Variants in PIK3C2G observed in about 807,000 individuals in gnomAD.
The protein encoded by PIK3C2G is phosphatidylinositol 3-kinase C2 domain-containing subunit gamma.
In PIK3C2G, 168 loss-of-function variants were observed where a neutral mutation model predicts 181.1. That is an observed-to-expected ratio of 0.93 (90% confidence interval 0.82 to 1.05). PIK3C2G has a LOEUF of 1.05. PIK3C2G is among the 50% of genes least tolerant of loss of function. PIK3C2G has a pLI of 0.00. For synonymous variants in PIK3C2G, 573 were observed against 592.2 expected (o/e 0.97, Z 0.47); for missense variants, 1,869 against 1,732.8 (o/e 1.08, Z -1.40).
chr12:18,251,496 G>A (rs538578220), intron 1 of PIK3C2G, among the ~76,000 whole-genome samples: 2 of 152,028 alleles, frequency 1.3e-5, no homozygotes, highest in South Asian at 2.1e-4. Context: ...AATTCATCAT[G>A]TGCAATGTAT....
intron 11 of PIK3C2G, among the ~76,000 whole-genome samples, chr12:18,361,805 T>C (rs1941258971): frequency 6.6e-6 from 1 of 152,172 alleles, no homozygotes; most frequent in Non-Finnish European, 1.5e-5. Flanking sequence ...GTGCTTCTAG[T>C]TGGATAAGAC....
At chr12:18,468,529 T>C (rs1316173253) in intron 18 of PIK3C2G, among the ~76,000 whole-genome samples, 1 of 152,114 alleles carries the variant, frequency 6.6e-6, no homozygotes, top group East Asian at 1.9e-4. Flanking sequence ...CCTTATATTC[T>C]ATTATTCAGT....
chr12:18,320,903 T>C, intron 6 of PIK3C2G, 59 bp from the exon 7 acceptor site: 1 of 912,752 alleles, frequency 1.1e-6, no homozygotes, highest in East Asian at 2.6e-5. Flanking sequence ...CGGACCTATT[T>C]TTATCTGGTA....
upstream of PIK3C2G, among the ~76,000 whole-genome samples, chr12:18,243,461 C>T (rs1948006420): frequency 6.6e-6 from 1 of 151,944 alleles, no homozygotes; most frequent in South Asian, 2.1e-4. Context: ...TATGTGACTT[C>T]TACCTGGCCC....
At chr12:18,373,327 A>G (rs184480341) in intron 13 of PIK3C2G, among the ~76,000 whole-genome samples, 70 of 152,298 alleles carry the variant, frequency 4.6e-4, no homozygotes, top group African/African-American at 1.6e-3. Flanking sequence ...ATAGCTAGCC[A>G]CGTGGAACTA....
chr12:18,588,550 T>G (rs1946909278), intron 29 of PIK3C2G, among the ~76,000 whole-genome samples: 1 of 152,010 alleles, frequency 6.6e-6, no homozygotes. Context: ...GGTACCATCT[T>G]ACACCAGTCA....
At position 18,251,143 on chromosome 12, in the gene PIK3C2G, T is replaced by C. The variant is rs118117416; in HGVS notation, c.-79+3061T>C. Among the ~76,000 whole-genome samples, 38 of 152,114 alleles carry C rather than the reference T, an allele frequency of 2.5e-4. 1 individual carries two copies. In the East Asian group the frequency reaches 7.2e-3, roughly 29 times the overall value. On this transcript the variant is annotated intron_variant, in intron 1 of 11. Transcript: ENST00000535651. Reference sequence around the variant, plus strand: ...TATATGTAATAAATTTCGACTACAGTAAATTGATCTGTTTTCTATGCAAAG... The same window carrying C: ...TATATGTAATAAATTTCGACTACAGCAAATTGATCTGTTTTCTATGCAAAG...
chr12:18,568,718 GT>G (rs1009301409), intron 29 of PIK3C2G, among the ~76,000 whole-genome samples: 1 of 152,100 alleles, frequency 6.6e-6, no homozygotes, highest in African/African-American at 2.4e-5. Flanking sequence ...CCACAATAAT[GT>G]TTGACCAAAT....
At chr12:18,559,009 GTGTTTGCATGTCTGTA>G (rs1188517501) in intron 26 of PIK3C2G, among the ~76,000 whole-genome samples, 1 of 152,080 alleles carries the variant, frequency 6.6e-6, no homozygotes, top group Non-Finnish European at 1.5e-5. Context: ...GTGTGTCTAT[GTGTTTGCATGTCTGTA>G]TGTTTGCATG....
intron 31 of PIK3C2G, among the ~76,000 whole-genome samples, chr12:18,629,269 G>A (rs1317302428): frequency 1.3e-5 from 2 of 152,140 alleles, no homozygotes; most frequent in Admixed American, 6.6e-5. Context: ...TATGAGAGAG[G>A]GCACAGGAAT....
chr12:18,524,907 G>T (rs1943139175), intron 24 of PIK3C2G, among the ~76,000 whole-genome samples: 1 of 151,400 alleles, frequency 6.6e-6, no homozygotes, highest in African/African-American at 2.4e-5. Context: ...ATTTTTTTTT[G>T]AAGATTAAAT....
intron 18 of PIK3C2G, among the ~76,000 whole-genome samples, chr12:18,435,494 C>G (rs1184396897): frequency 2.0e-5 from 3 of 151,984 alleles, no homozygotes; most frequent in Non-Finnish European, 4.4e-5. Flanking sequence ...AGCTGGTTAG[C>G]ATAATTTCTT....
intron 13 of PIK3C2G, among the ~76,000 whole-genome samples, chr12:18,372,873 G>A (rs1478416569): frequency 6.6e-6 from 1 of 152,148 alleles, no homozygotes; most frequent in Non-Finnish European, 1.5e-5. Flanking sequence ...AGTGGTCACA[G>A]AAGATGAGCA....
the PIK3C2G span, among the ~76,000 whole-genome samples, chr12:18,703,726 T>A: frequency 1.3e-5 from 2 of 152,194 alleles, no homozygotes; most frequent in Admixed American, 1.3e-4. Flanking sequence ...TATAAAACAA[T>A]TTTCACTTTT....
At chr12:18,694,773 A>T in the PIK3C2G span, 1 of 667,762 alleles carries the variant, frequency 1.5e-6, no homozygotes, top group Middle Eastern at 4.2e-4. Context: ...CTGGAATACT[A>T]CCCACATATA....
chr12:18,424,415 G>A (rs1212855313), intron 18 of PIK3C2G, among the ~76,000 whole-genome samples: 1 of 152,132 alleles, frequency 6.6e-6, no homozygotes, highest in Admixed American at 6.5e-5. Flanking sequence ...AATACTTTCT[G>A]TGCAATATTA....
At position 18,381,864 on chromosome 12, in the gene PIK3C2G, C is replaced by A. The variant is rs767852668; in HGVS notation, c.1979C>A (p.Ser660Tyr). ...TPGVWDVSQP[S>Y]PVTLQIDFPA... Reference sequence around the variant, plus strand: ...GGAGTGTGGGATGTAAGTCAGCCATCCCCGGTGACCCTGCAGGTAAGTGCC... The same window carrying A: ...GGAGTGTGGGATGTAAGTCAGCCATACCCGGTGACCCTGCAGGTAAGTGCC... The change falls in exon 14 of 33, where the codon TCC (serine) becomes TAC (tyrosine). Residue 660 changes from serine to tyrosine, a missense_variant. Transcript: ENST00000538779. 3 of 1,606,392 alleles carry A rather than the reference C, an allele frequency of 1.9e-6. No individual in the cohort carries two copies. The highest frequency in any genetic ancestry group is 1.3e-5 in the African/African-American group (1 of 74,780).
At chr12:18,599,660 GAATA>G (rs200912761) in intron 30 of PIK3C2G, among the ~76,000 whole-genome samples, 130 of 146,336 alleles carry the variant, frequency 8.9e-4, no homozygotes, top group African/African-American at 2.3e-3. Context: ...ATAAATGAAT[GAATA>G]AATAAATAAA....
the PIK3C2G span, among the ~76,000 whole-genome samples, chr12:18,717,730 T>A: frequency 6.6e-6 from 1 of 152,162 alleles, no homozygotes; most frequent in Non-Finnish European, 1.5e-5. Context: ...ACATCTTGAT[T>A]CCTCTCTTTC....
Sources: gnomAD v4.1 joint callset for allele counts (sites outside exome capture counted in the v4.1 genomes callset) on GRCh38, gnomAD v4.1.1 for gene constraint, MANE v1.5 for transcripts, NCBI Gene and HGNC (gene_info 2026-07-23, HGNC 2026-07-21) for gene names.